The following SECISBP2 variants were observed in gnomAD, a reference collection of about 807,000 sequenced individuals.
SECISBP2 encodes selenocysteine insertion sequence-binding protein 2.
SECISBP2 carries 96 observed loss-of-function variants against 98.2 expected under a neutral mutation model. The observed-to-expected ratio is 0.98, with a 90% CI of 0.83 to 1.16. The LOEUF is 1.16. Ranked by LOEUF, SECISBP2 falls within the 50% of genes most tolerant of loss-of-function variation. SECISBP2 has a pLI of 0.00. For missense variants in SECISBP2, 1,046 were observed against 1,022.9 expected, an observed-to-expected ratio of 1.02 and a Z score of -0.31; for synonymous variants, 407 against 370.2, an observed-to-expected ratio of 1.10 and a Z score of -1.14.
In SECISBP2 at chr9:89,358,992, T is replaced by G. The variant is rs932510019; in HGVS notation, c.*168T>G. ...AGCAGTGTCTGCAGGCGTTCAGTGC[T>G]GCGGAGCCTGTTAAAGGTCACTCAG... is the stretch of plus-strand genomic sequence containing the variant. On this transcript the variant is annotated 3_prime_UTR_variant, in exon 17 of 17. Coordinates refer to ENST00000375807, the MANE Select transcript of SECISBP2 (RefSeq NM_024077.5). 9 of 635,390 alleles carry G rather than the reference T, an allele frequency of 1.4e-5. No homozygotes were observed. Among genetic ancestry groups the G allele is most frequent in the Non-Finnish European group, 2.5e-5 (9 of 355,640 alleles). The allele number at this position is 635,390 out of a possible 1,614,324, so 39.4% of individuals were successfully genotyped here. A position where few individuals can be genotyped will look rare whatever the true frequency, so the allele number is the denominator to read the frequency against.
rs1832594023 is a variant in SECISBP2, at chr9:89,359,551, TTCTG to T, written c.*731_*734del. 2 of 152,304 alleles carry T rather than the reference TTCTG, an allele frequency of 1.3e-5. No homozygotes were observed. The highest frequency in any genetic ancestry group is 2.1e-4 in the South Asian group (1 of 4,830). 9.4% of individuals were successfully genotyped at this position (152,304 alleles called of 1,614,324 possible). On this transcript the variant is annotated 3_prime_UTR_variant, in exon 17 of 17. Transcript: ENST00000375807. ...TCAATGAACATATTCTGAATGTGGTTTCTGTCTTAGACCAGGAGGACAGAGTTTG... is the reference window on the plus strand; with the variant it reads ...TCAATGAACATATTCTGAATGTGGTTTCTTAGACCAGGAGGACAGAGTTTG...
rs555851143 is a variant in SECISBP2, at chr9:89,343,329, T to C, written c.1435+1850T>C. On this transcript the variant is annotated intron_variant, in intron 10 of 16. Transcript: ENST00000375807. ...ATTTCAAAAAACTCTACTTTTTTTT[T>C]AAATCTGTGGATCTTCTTTTTTTTA... 7.9e-5 allele frequency among the ~76,000 whole-genome samples: 12 copies of C among 152,322 alleles called. No individual in the cohort carries two copies. The South Asian group carries it at 2.5e-3, about 32-fold the overall frequency.
At chr9:89,360,474 A>G (rs1832678311), downstream of SECISBP2, among the ~76,000 whole-genome samples, 1 of 152,250 alleles carries the variant, frequency 6.6e-6, no homozygotes, top group Non-Finnish European at 1.5e-5. Context: ...CTAGAGATGA[A>G]TTCCTCTGCT....
At chr9:89,325,233 G>C in intron 2 of SECISBP2, 194 bp from the exon 3 acceptor site, 2 of 599,976 alleles carry the variant, frequency 3.3e-6, no homozygotes, top group South Asian at 4.1e-5. Flanking sequence ...TGAAAAAATA[G>C]AGTCAACATC....
chr9:89,326,736 C>A (rs1485897457), intron 4 of SECISBP2, among the ~76,000 whole-genome samples: 1 of 152,150 alleles, frequency 6.6e-6, no homozygotes, highest in Non-Finnish European at 1.5e-5. Flanking sequence ...CTTACACAGA[C>A]CTAGATGGTA....
At chr9:89,362,744 C>T (rs114051162), downstream of SECISBP2, among the ~76,000 whole-genome samples, 414 of 152,332 alleles carry the variant, frequency 2.7e-3, 2 homozygotes, top group African/African-American at 9.3e-3. Context: ...GGCAACAGTT[C>T]GGGGGTGTAC....
intron 14 of SECISBP2, among the ~76,000 whole-genome samples, chr9:89,353,890 C>T (rs972238390): frequency 6.6e-5 from 10 of 152,150 alleles, no homozygotes; most frequent in South Asian, 2.1e-4. Flanking sequence ...GGTTCCGACA[C>T]GTTTTTGCTT....
intron 14 of SECISBP2, among the ~76,000 whole-genome samples, chr9:89,354,469 GTGT>G (rs1831758356): frequency 6.6e-6 from 1 of 152,222 alleles, no homozygotes; most frequent in Admixed American, 6.5e-5. Flanking sequence ...CCCGTGGGAA[GTGT>G]TGTCTACCAG....
At chr9:89,325,733 T>G (rs1045399193) in intron 3 of SECISBP2, 57 bp downstream of exon 3, 56 of 1,610,514 alleles carry the variant, frequency 3.5e-5, no homozygotes, top group Non-Finnish European at 4.7e-5. Flanking sequence ...ATGTTTAAAA[T>G]GTAAAGAAAT....
rs1471669473 is a variant in SECISBP2 at position 89,318,528 on chromosome 9, A to G, written c.-49A>G. ...AACGCTTTGTCTGTCCGGCAAGCCG[A>G]CGGCCCGCTGCTGGCCTCCGTGACG... On this transcript the variant is annotated 5_prime_UTR_variant, in exon 1 of 17. Coordinates refer to ENST00000375807, the MANE Select transcript of SECISBP2 (RefSeq NM_024077.5). 15 of 1,511,598 alleles carry G rather than the reference A, an allele frequency of 9.9e-6. No individual in the cohort carries two copies. The highest frequency in any genetic ancestry group is 1.1e-5 in the Non-Finnish European group (13 of 1,134,262). The allele number at this position is 1,511,598 out of a possible 1,614,324, so 93.6% of individuals were successfully genotyped here. A position where few individuals can be genotyped will look rare whatever the true frequency, so the allele number is the denominator to read the frequency against.
chr9:89,323,314 T>TA (rs1826120989), intron 2 of SECISBP2: 1 of 152,220 alleles, frequency 6.6e-6, no homozygotes, highest in Non-Finnish European at 1.5e-5. Context: ...TGTCAAGTCC[T>TA]AAGCAGAAAG....
chr9:89,358,155 C>A lies in SECISBP2; in HGVS notation c.2425C>A (p.Pro809Thr), dbSNP rs771333446. 1 of 1,613,674 alleles carries A rather than the reference C, an allele frequency of 6.2e-7. No individual in the cohort carries two copies. Among genetic ancestry groups the A allele is most frequent in the African/African-American group, 1.3e-5 (1 of 75,016 alleles). ...QGPSCPAEDG[P>T]PALKEKEEPH... is the part of the protein sequence containing the mutation. ...CCCCAGCTGCCCTGCAGAAGATGGC[C>A]CCCCAGCCCTGAAAGAAAAAGAAGA... The change falls in exon 16 of 17, where the codon CCC becomes ACC. Residue 809 changes from proline to threonine, a missense_variant. Physicochemically the swap from Pro to Thr is conservative, Grantham distance 38. Transcript: ENST00000375807.
intron 2 of SECISBP2, among the ~76,000 whole-genome samples, chr9:89,320,108 G>C (rs753069540): frequency 2.4e-4 from 36 of 152,114 alleles, no homozygotes; most frequent in Non-Finnish European, 3.2e-4. Flanking sequence ...TGTAATCCCA[G>C]CACTTTGGGA....
At chr9:89,346,402 T>C (rs566046970) in intron 10 of SECISBP2, among the ~76,000 whole-genome samples, 2 of 152,186 alleles carry the variant, frequency 1.3e-5, no homozygotes, top group Non-Finnish European at 1.5e-5. Flanking sequence ...TAGAATCTTA[T>C]AGTGGCCTTA....
At chr9:89,364,340 T>G, downstream of SECISBP2, 1 of 312,050 alleles carries the variant, frequency 3.2e-6, no homozygotes, top group Non-Finnish European at 6.3e-6. Context: ...GACAGAGACA[T>G]CCCAAGGCTC....
Position 89,358,911 on chromosome 9 carries a change from A to G in SECISBP2, c.*87A>G, listed in dbSNP as rs1034204586. On this transcript the variant is annotated 3_prime_UTR_variant, in exon 17 of 17. Coordinates refer to ENST00000375807, the MANE Select transcript of SECISBP2 (RefSeq NM_024077.5). ...GCTTTTTCTTCTGTTTTTCATGACAATGTAATTTGTGTAACTGTTGAATCT... is the reference window on the plus strand; with the variant it reads ...GCTTTTTCTTCTGTTTTTCATGACAGTGTAATTTGTGTAACTGTTGAATCT... 10 of 819,466 alleles carry G rather than the reference A, an allele frequency of 1.2e-5. 1 individual carries two copies. The Middle Eastern group carries it at 6.6e-4, about 54-fold the overall frequency. 50.8% of individuals were successfully genotyped at this position (819,466 alleles called of 1,614,324 possible).
At chr9:89,321,019 C>G (rs912026347) in intron 2 of SECISBP2, among the ~76,000 whole-genome samples, 1 of 152,080 alleles carries the variant, frequency 6.6e-6, no homozygotes, top group Non-Finnish European at 1.5e-5. Context: ...ATTGAGTTGT[C>G]TTTTGTGTTT....
At chr9:89,318,672 G>T (rs995947540) in intron 1 of SECISBP2, 60 bp downstream of exon 1, 95 of 1,355,204 alleles carry the variant, frequency 7.0e-5, no homozygotes, top group Non-Finnish European at 7.6e-5. Context: ...TCGCACTGGG[G>T]GCTCGGCCGG....
chr9:89,328,857 G>A lies in SECISBP2; in HGVS notation c.772G>A (p.Val258Ile). The change falls in exon 5 of 17, where the codon GTA (valine) becomes ATA (isoleucine). Residue 258 changes from valine to isoleucine, a missense_variant. Physicochemically the swap from Val to Ile is conservative, Grantham distance 29 (BLOSUM62 3). Transcript: ENST00000375807. Reference sequence around the variant, plus strand: ...TACCGACATTTCTCTTCTAAGAGAAGTAGTAAAACCAGCTGCAGTGTTATC... The same window carrying A: ...TACCGACATTTCTCTTCTAAGAGAAATAGTAAAACCAGCTGCAGTGTTATC... ...VSTDISLLRE[V>I]VKPAAVLSKG... is the part of the protein sequence containing the mutation. The A allele has an allele frequency of 3.7e-6, 6 of 1,613,994 alleles. No homozygotes were observed. The highest frequency in any genetic ancestry group is 5.1e-6 in the Non-Finnish European group (6 of 1,179,832).
Sources: gnomAD v4.1 joint callset for allele counts (sites outside exome capture counted in the v4.1 genomes callset) on GRCh38, gnomAD v4.1.1 for gene constraint, MANE v1.5 for transcripts, NCBI Gene and HGNC (gene_info 2026-07-23, HGNC 2026-07-21) for gene names.